The following ZSWIM3 variants were observed in gnomAD, a reference collection of about 807,000 sequenced individuals.
ZSWIM3 encodes zinc finger SWIM domain-containing protein 3.
A neutral mutation model predicts 47.5 loss-of-function variants in ZSWIM3; 27 were observed. The observed-to-expected ratio is 0.57, with a 90% CI of 0.42 to 0.78. ZSWIM3 has a LOEUF of 0.78. ZSWIM3 is among the 30% of genes least tolerant of loss of function. The pLI is 0.00. For missense variants in ZSWIM3, 689 were observed against 861.3 expected, an observed-to-expected ratio of 0.80 and a Z score of 2.50; for synonymous variants, 333 against 333.9, an observed-to-expected ratio of 1.00 and a Z score of 0.03.
intron 1 of ZSWIM3, among the ~76,000 whole-genome samples, chr20:45,858,816 CATTTGACAGATGAGAAG>C (rs1985622137): frequency 6.6e-6 from 1 of 151,912 alleles, no homozygotes; most frequent in African/African-American, 2.4e-5. Flanking sequence ...TATTTTTTTG[CATTTGACAGATGAGAAG>C]ATTTGACAGA....
chr20:45,877,477 A>G lies in ZSWIM3; in HGVS notation c.919A>G (p.Ile307Val). ...IFPAARILLS[I>V]YHTTRLLEKK... ...TCCTGCTGCCCGCATCCTCCTTTCCATCTACCACACAACCCGACTCTTGGA... is the reference window on the plus strand; with the variant it reads ...TCCTGCTGCCCGCATCCTCCTTTCCGTCTACCACACAACCCGACTCTTGGA... Residue 307 changes from isoleucine (I) to valine (V), a missense_variant, in exon 2 of 2, where the codon ATC (isoleucine) becomes GTC (valine). Coordinates refer to ENST00000255152, the MANE Select transcript of ZSWIM3 (RefSeq NM_080752.4). 6.2e-7 allele frequency: 1 copy of G among 1,613,976 alleles called. No homozygotes were observed. The highest frequency in any genetic ancestry group is 8.5e-7 in the Non-Finnish European group (1 of 1,179,990).
chr20:45,876,426 C>T (rs989704245), intron 1 of ZSWIM3, among the ~76,000 whole-genome samples: 2 of 152,080 alleles, frequency 1.3e-5, no homozygotes, highest in Non-Finnish European at 2.9e-5. Flanking sequence ...GCAGCCTTAA[C>T]TTCCCAGGCT....
chr20:45,877,915 TC>T lies in ZSWIM3; in HGVS notation c.1359del (p.Lys454ArgfsTer52), dbSNP rs759686650. The T allele has an allele frequency of 1.2e-6, 2 of 1,614,078 alleles. No individual in the cohort carries two copies. Among genetic ancestry groups the T allele is most frequent in the South Asian group, 2.2e-5 (2 of 91,082 alleles). Reference protein sequence around the residue: ...RARPASMPLKSKKAFGICGES... With the variant: ...RARPASMPLKXKKAFGICGES... ...TCGGCCGGCAAGCATGCCACTGAAG[TC>T]CAAGAAGGCTTTTGGAATCTGTGGA... On this transcript the variant is annotated frameshift_variant, in exon 2 of 2. Coordinates refer to ENST00000255152, the MANE Select transcript of ZSWIM3 (RefSeq NM_080752.4). LOFTEE classifies it high-confidence loss of function.
At chr20:45,862,141 T>G (rs920386591) in intron 1 of ZSWIM3, among the ~76,000 whole-genome samples, 5 of 149,196 alleles carry the variant, frequency 3.4e-5, no homozygotes, top group Admixed American at 1.3e-4. Flanking sequence ...TAGCTTTTGG[T>G]TTTTTTTGGT....
chr20:45,876,692 T>G (rs1986099895), intron 1 of ZSWIM3, 22 bp from the exon 2 acceptor site: 1 of 1,595,870 alleles, frequency 6.3e-7, no homozygotes, highest in South Asian at 1.1e-5. Flanking sequence ...ACCTTTCTCA[T>G]TGTTACCTCT....
chr20:45,877,749 T>C lies in ZSWIM3; in HGVS notation c.1191T>C (p.Ile397=), dbSNP rs1490500310. Residue 397 remains isoleucine, a synonymous_variant, in exon 2 of 2, where the codon ATT becomes ATC. Coordinates refer to ENST00000255152, the MANE Select transcript of ZSWIM3 (RefSeq NM_080752.4). ...ACACCTACATGGACAGCCTAGACAT[T>C]GTCACCAGCAAGGTGTCAAGCCTCT... ...ACNTYMDSLD[I]VTSKVSSLFR... is the part of the protein sequence containing the mutation. The C allele has an allele frequency of 1.9e-6, 3 of 1,613,962 alleles. No homozygotes were observed. The highest frequency in any genetic ancestry group is 2.5e-6 in the Non-Finnish European group (3 of 1,179,942).
chr20:45,875,892 CA>C (rs1420528962), intron 1 of ZSWIM3, among the ~76,000 whole-genome samples: 1 of 151,648 alleles, frequency 6.6e-6, no homozygotes, highest in Non-Finnish European at 1.5e-5. Flanking sequence ...AGTGCAGTGG[CA>C]CAAATCAGAG....
Position 45,877,946 on chromosome 20 carries a change from G to A in ZSWIM3, c.1388G>A (p.Ser463Asn). The A allele has an allele frequency of 6.2e-7, 1 of 1,614,164 alleles. No individual in the cohort carries two copies. The highest frequency in any genetic ancestry group is 1.1e-5 in the South Asian group (1 of 91,090). ...SKKAFGICGE[S>N]LTSLPAEETK... ...AAGGCTTTTGGAATCTGTGGAGAGA[G>A]CCTTACCAGCCTCCCTGCAGAAGAG... is the stretch of plus-strand genomic sequence containing the variant. The change falls in exon 2 of 2, where the codon AGC (serine) becomes AAC (asparagine). Residue 463 changes from serine to asparagine, a missense_variant. Physicochemically the swap from Ser to Asn is conservative, Grantham distance 46. Coordinates refer to ENST00000255152, the MANE Select transcript of ZSWIM3 (RefSeq NM_080752.4).
At chr20:45,871,804 T>C (rs935997061) in intron 1 of ZSWIM3, among the ~76,000 whole-genome samples, 5 of 147,466 alleles carry the variant, frequency 3.4e-5, no homozygotes, top group Admixed American at 2.8e-4. Context: ...GAGGTTGCAG[T>C]GAGTCAAGAT....
chr20:45,875,941 T>G (rs1601118600), intron 1 of ZSWIM3, among the ~76,000 whole-genome samples: 1 of 152,206 alleles, frequency 6.6e-6, no homozygotes, highest in African/African-American at 2.4e-5. Context: ...CAAGCAATCC[T>G]CCAGCCTCAG....
chr20:45,870,382 CAT>C (rs1218582764), intron 1 of ZSWIM3, among the ~76,000 whole-genome samples: 1 of 151,598 alleles, frequency 6.6e-6, no homozygotes, highest in African/African-American at 2.4e-5. Flanking sequence ...AATTTCCTGT[CAT>C]GTTTCTTTGT....
At chr20:45,875,749 CCTT>C (rs1986076779) in intron 1 of ZSWIM3, among the ~76,000 whole-genome samples, 1 of 35,920 alleles carries the variant, frequency 2.8e-5, no homozygotes, top group Admixed American at 4.1e-4. Context: ...GATCTGCCCT[CCTT>C]GGCCTCCCAA....
At chr20:45,873,635 A>C (rs1986025820) in intron 1 of ZSWIM3, among the ~76,000 whole-genome samples, 1 of 152,244 alleles carries the variant, frequency 6.6e-6, no homozygotes, top group Non-Finnish European at 1.5e-5. Flanking sequence ...TGGCTCATTT[A>C]ATCTTAATAA....
At chr20:45,865,886 C>T (rs568331480) in intron 1 of ZSWIM3, among the ~76,000 whole-genome samples, 5 of 148,688 alleles carry the variant, frequency 3.4e-5, no homozygotes, top group Admixed American at 6.8e-5. Flanking sequence ...CCAGCTACTC[C>T]GGAGGGTGAG....
Position 45,857,631 on chromosome 20 carries a change from C to T in ZSWIM3, c.-195C>T. ...TTTCCCCTGTCAGATAGCAAATACA[C>T]CCCCTTCCTCTTGTAACCCGGTCAG... On this transcript the variant is annotated 5_prime_UTR_variant, in exon 1 of 2. Coordinates refer to ENST00000255152, the MANE Select transcript of ZSWIM3 (RefSeq NM_080752.4). 2 of 706,238 alleles carry T rather than the reference C, an allele frequency of 2.8e-6. No individual in the cohort carries two copies. Among genetic ancestry groups the T allele is most frequent in the South Asian group, 1.8e-5 (1 of 55,792 alleles). 43.7% of individuals were successfully genotyped at this position (706,238 alleles called of 1,614,324 possible).
At chr20:45,860,667 A>G (rs945430194) in intron 1 of ZSWIM3, among the ~76,000 whole-genome samples, 1 of 152,114 alleles carries the variant, frequency 6.6e-6, no homozygotes, top group Non-Finnish European at 1.5e-5. Context: ...TGCTTCTGTC[A>G]TCACGTCTCT....
rs529525850 is a variant in ZSWIM3 at position 45,858,729 on chromosome 20, C to G, written c.155+749C>G. Among the ~76,000 whole-genome samples the G allele has an allele frequency of 2.0e-5, 3 of 152,168 alleles. No individual in the cohort carries two copies. The East Asian group carries it at 5.8e-4, about 29-fold the overall frequency. The stretch of plus-strand genomic sequence containing the variant: ...TCCTTATATTAACCGTTTTCAAACA[C>G]TTTCCATGTGCCAGGCAGTGTTCTC... On this transcript the variant is annotated intron_variant, in intron 1 of 1. Coordinates refer to ENST00000255152, the MANE Select transcript of ZSWIM3 (RefSeq NM_080752.4).
chr20:45,878,795 A>G lies in ZSWIM3; in HGVS notation c.*146A>G, dbSNP rs1385531821. On this transcript the variant is annotated 3_prime_UTR_variant, in exon 2 of 2. Coordinates refer to ENST00000255152, the MANE Select transcript of ZSWIM3 (RefSeq NM_080752.4). ...ATATTGTTACAGTAGAGAGGAAGGG[A>G]ACTCCACTGTGTGACAGTCCTTTCA... 6 of 1,050,630 alleles carry G rather than the reference A, an allele frequency of 5.7e-6. No homozygotes were observed. The highest frequency in any genetic ancestry group is 5.3e-6 in the Non-Finnish European group (4 of 750,132). 65.1% of individuals were successfully genotyped at this position (1,050,630 alleles called of 1,614,324 possible). A position where few individuals can be genotyped will look rare whatever the true frequency, so the allele number is the denominator to read the frequency against.
At position 45,877,583 on chromosome 20, in the gene ZSWIM3, C is replaced by G; in HGVS notation, c.1025C>G (p.Thr342Ser). Residue 342 changes from threonine to serine, a missense_variant, in exon 2 of 2, where the codon ACT (threonine) becomes AGT (serine). Thr to Ser is a moderately conservative substitution (Grantham distance 58). Transcript: ENST00000255152. ...KEALREAVFV[T>S]SEASLKNLCQ... ...GCCCTGCGGGAGGCCGTGTTTGTCACTTCTGAAGCCAGCCTGAAAAATCTC... is the reference window on the plus strand; with the variant it reads ...GCCCTGCGGGAGGCCGTGTTTGTCAGTTCTGAAGCCAGCCTGAAAAATCTC... The G allele has an allele frequency of 6.2e-7, 1 of 1,614,204 alleles. No homozygotes were observed. The highest frequency in any genetic ancestry group is 8.5e-7 in the Non-Finnish European group (1 of 1,180,028).
Sources: gnomAD v4.1 joint callset for allele counts (sites outside exome capture counted in the v4.1 genomes callset) on GRCh38, gnomAD v4.1.1 for gene constraint, MANE v1.5 for transcripts, NCBI Gene and HGNC (gene_info 2026-07-23, HGNC 2026-07-21) for gene names.